TMEM266: variants seen among roughly 807,000 people sequenced by gnomAD.
TMEM266 encodes Hv1 related protein 1.
Under a neutral mutation model 50.5 loss-of-function variants are expected in TMEM266, and 33 were observed. The observed-to-expected ratio is 0.65, with a 90% CI of 0.50 to 0.87. The LOEUF is 0.87. TMEM266 is among the 40% of genes least tolerant of loss of function. The pLI is 0.00. For synonymous variants in TMEM266, 310 were observed against 292.3 expected (o/e 1.06, Z -0.62); for missense variants, 655 against 695.1 (o/e 0.94, Z 0.65).
chr15:76,150,575 C>T (rs946324066), intron 3 of TMEM266, among the ~76,000 whole-genome samples: 3 of 152,174 alleles, frequency 2.0e-5, no homozygotes, highest in African/African-American at 7.2e-5. Context: ...TGCAGTCACT[C>T]CCCTCTCTGC....
rs140852423 is a variant in TMEM266, at chr15:76,152,914, T to C, written c.228-3690T>C. Among the ~76,000 whole-genome samples, 12 of 152,186 alleles carry C rather than the reference T, an allele frequency of 7.9e-5. No homozygotes were observed. The East Asian group carries it at 2.3e-3, about 30-fold the overall frequency. On this transcript the variant is annotated intron_variant, in intron 3 of 10. Transcript: ENST00000388942. ...TCACGCTGCCTACCTTAGCTGATGG[T>C]GGGGGCGGCGTTCATTTGACTTCAA...
intron 1 of TMEM266, among the ~76,000 whole-genome samples, chr15:76,065,099 C>T (rs1209154424): frequency 6.6e-6 from 1 of 152,150 alleles, no homozygotes; most frequent in African/African-American, 2.4e-5. Flanking sequence ...ACCATGACTC[C>T]TAAAATTTGT....
intron 1 of TMEM266, among the ~76,000 whole-genome samples, 196 bp from the exon 2 acceptor site, chr15:76,133,972 C>G (rs1363382959): frequency 6.6e-6 from 1 of 152,002 alleles, no homozygotes; most frequent in African/African-American, 2.4e-5. Context: ...GTCACTCTGG[C>G]CTTGTTTCCT....
intron 1 of TMEM266, among the ~76,000 whole-genome samples, chr15:76,067,273 T>A (rs914862220): frequency 6.6e-6 from 1 of 152,084 alleles, no homozygotes; most frequent in African/African-American, 2.4e-5. Flanking sequence ...TGTAAACAAA[T>A]TACAGAAATG....
chr15:76,189,736 G>A (rs114443911), intron 8 of TMEM266, among the ~76,000 whole-genome samples: 462 of 152,328 alleles, frequency 3.0e-3, no homozygotes, highest in African/African-American at 0.011. Context: ...CAAGGGGTTT[G>A]TCCTTGGGAG....
At chr15:76,141,799 C>T (rs761623728) in intron 3 of TMEM266, among the ~76,000 whole-genome samples, 5 of 152,174 alleles carry the variant, frequency 3.3e-5, no homozygotes, top group African/African-American at 1.2e-4. Context: ...CCTTTGAATT[C>T]GACTACTCTA....
At chr15:76,152,728 T>A (rs1031949004) in intron 3 of TMEM266, among the ~76,000 whole-genome samples, 1 of 152,096 alleles carries the variant, frequency 6.6e-6, no homozygotes, top group Non-Finnish European at 1.5e-5. Flanking sequence ...ACCACCATAT[T>A]TAAAATGTCA....
intron 1 of TMEM266, among the ~76,000 whole-genome samples, chr15:76,072,557 C>A (rs1216682205): frequency 2.0e-5 from 3 of 151,614 alleles, no homozygotes; most frequent in Admixed American, 1.3e-4. Context: ...CTTCACTTTT[C>A]TGGGTCCTGG....
chr15:76,100,637 C>A (rs1220534841), intron 1 of TMEM266, among the ~76,000 whole-genome samples: 1 of 152,212 alleles, frequency 6.6e-6, no homozygotes, highest in Non-Finnish European at 1.5e-5. Context: ...AGACTGTATC[C>A]ATTTCATTTC....
intron 1 of TMEM266, among the ~76,000 whole-genome samples, chr15:76,068,214 C>T (rs2036469636): frequency 6.6e-6 from 1 of 152,154 alleles, no homozygotes; most frequent in Admixed American, 6.5e-5. Context: ...CTTTAAGGCC[C>T]CAACTTTGGG....
chr15:76,182,718 C>G (rs1202390194), intron 8 of TMEM266, among the ~76,000 whole-genome samples: 1 of 152,128 alleles, frequency 6.6e-6, no homozygotes. Flanking sequence ...CACAAATGCA[C>G]TGTCATGTTT....
intron 9 of TMEM266, among the ~76,000 whole-genome samples, chr15:76,197,748 C>T (rs1036691135): frequency 1.1e-4 from 16 of 152,140 alleles, no homozygotes; most frequent in African/African-American, 3.9e-4. Flanking sequence ...CCTGGGTCTG[C>T]ACAGGGCATG....
In TMEM266 at chr15:76,182,464, G is replaced by A. The variant is rs189878868; in HGVS notation, c.768+6790G>A. Among the ~76,000 whole-genome samples, 1,435 of 149,260 alleles carry A rather than the reference G, an allele frequency of 9.6e-3. 29 individuals are homozygous for A. The highest frequency in any genetic ancestry group is 0.034 in the African/African-American group (1,389 of 41,014). On this transcript the variant is annotated intron_variant, in intron 8 of 10. Coordinates refer to ENST00000388942, the MANE Select transcript of TMEM266 (RefSeq NM_152335.3). ...ATCCTGGCTAACACGGTGAAACCCC[G>A]TCTCTACTAAAAAAAAATATATATA...
intron 3 of TMEM266, 78 bp downstream of exon 3, chr15:76,137,973 G>A (rs2037617427): frequency 3.5e-6 from 5 of 1,416,622 alleles, no homozygotes; most frequent in South Asian, 2.9e-5. Context: ...TGTAATCCCA[G>A]CACTTTGGGA....
At chr15:76,166,686 C>A (rs2038102240) in intron 5 of TMEM266, among the ~76,000 whole-genome samples, 1 of 152,212 alleles carries the variant, frequency 6.6e-6, no homozygotes, top group African/African-American at 2.4e-5. Context: ...TCTGCCTTTT[C>A]AGCTAAGAAG....
At chr15:76,077,811 A>G (rs926779957) in intron 1 of TMEM266, among the ~76,000 whole-genome samples, 2 of 152,118 alleles carry the variant, frequency 1.3e-5, no homozygotes, top group African/African-American at 4.8e-5. Flanking sequence ...TCTGGCCTCC[A>G]AAACTGTGAG....
At chr15:76,095,902 A>G (rs1295605567) in intron 1 of TMEM266, among the ~76,000 whole-genome samples, 1 of 152,038 alleles carries the variant, frequency 6.6e-6, no homozygotes, top group African/African-American at 2.4e-5. Flanking sequence ...TTATTTGCGT[A>G]GAGGTATTTA....
At chr15:76,121,989 G>A (rs895056143) in intron 1 of TMEM266, among the ~76,000 whole-genome samples, 2 of 152,224 alleles carry the variant, frequency 1.3e-5, no homozygotes, top group African/African-American at 4.8e-5. Context: ...ATGCTAATAA[G>A]TGACTGAAGA....
chr15:76,156,945 CT>C, intron 4 of TMEM266, among the ~76,000 whole-genome samples, 187 bp downstream of exon 4: 1 of 152,190 alleles, frequency 6.6e-6, no homozygotes, highest in African/African-American at 2.4e-5. Flanking sequence ...GCTTCTCTCT[CT>C]GTCACCCCCA....
Sources: gnomAD v4.1 joint callset for allele counts (sites outside exome capture counted in the v4.1 genomes callset) on GRCh38, gnomAD v4.1.1 for gene constraint, MANE v1.5 for transcripts, NCBI Gene and HGNC (gene_info 2026-07-23, HGNC 2026-07-21) for gene names.